The following FOCAD variants were observed in gnomAD, a reference collection of about 807,000 sequenced individuals.
The protein encoded by FOCAD is KIAA1797.
In FOCAD, 198 loss-of-function variants were observed where a neutral mutation model predicts 225.6. The observed-to-expected ratio is 0.88, with a 90% CI of 0.78 to 0.99. The LOEUF (loss-of-function observed/expected upper bound fraction) is 0.99, where lower values mean the gene tolerates loss of function less well. Among genes scored for constraint, FOCAD ranks in the 50% least tolerant of loss-of-function variants. The pLI is 0.00. For synonymous variants in FOCAD, 897 were observed against 755.0 expected, an observed-to-expected ratio of 1.19 and a Z score of -3.08; for missense variants, 2,713 against 2,123.6, an observed-to-expected ratio of 1.28 and a Z score of -5.46.
intron 5 of FOCAD, among the ~76,000 whole-genome samples, chr9:20,748,700 C>T (rs1288239707): frequency 1.3e-5 from 2 of 152,054 alleles, no homozygotes; most frequent in Non-Finnish European, 2.9e-5. Flanking sequence ...CAGTTCCATT[C>T]TTTCTCTCTA....
intron 35 of FOCAD, among the ~76,000 whole-genome samples, chr9:20,976,069 A>C (rs960095704): frequency 6.6e-6 from 1 of 152,170 alleles, no homozygotes; most frequent in Non-Finnish European, 1.5e-5. Flanking sequence ...AAGATTTTGA[A>C]TGTTTCAGCA....
chr9:20,873,841 A>G (rs1280793478), intron 18 of FOCAD: 1 of 152,138 alleles, frequency 6.6e-6, no homozygotes, highest in African/African-American at 2.4e-5. Context: ...GATACAGGCT[A>G]ATGGTGATGA....
At chr9:20,922,277 T>C (rs536985923) in intron 24 of FOCAD, among the ~76,000 whole-genome samples, 75 of 152,136 alleles carry the variant, frequency 4.9e-4, no homozygotes, top group Middle Eastern at 3.4e-3. Context: ...CCTCCAACCC[T>C]CCCCATTATA....
intron 28 of FOCAD, among the ~76,000 whole-genome samples, chr9:20,944,376 T>G (rs938431251): frequency 1.2e-4 from 19 of 152,152 alleles, no homozygotes; most frequent in Non-Finnish European, 4.4e-5. Context: ...TTTCCTGCCT[T>G]TTGTTTTTAT....
chr9:20,759,643 T>G (rs559878452), intron 6 of FOCAD, among the ~76,000 whole-genome samples: 1 of 152,320 alleles, frequency 6.6e-6, no homozygotes, highest in South Asian at 2.1e-4. Flanking sequence ...ATTCAGGACA[T>G]AGGCATGGGC....
At chr9:20,690,474 G>A (rs1319362849) in intron 1 of FOCAD, among the ~76,000 whole-genome samples, 1 of 151,922 alleles carries the variant, frequency 6.6e-6, no homozygotes, top group African/African-American at 2.4e-5. Context: ...CTTTAATCAG[G>A]CTTTCTCCCT....
chr9:20,664,803 A>G (rs1054017748), intron 2 of FOCAD, among the ~76,000 whole-genome samples: 1 of 152,080 alleles, frequency 6.6e-6, no homozygotes, highest in Non-Finnish European at 1.5e-5. Context: ...AATAATGGTG[A>G]TGGTTTCAAG....
chr9:20,932,512 TC>T (rs1835578249), intron 27 of FOCAD, among the ~76,000 whole-genome samples: 1 of 152,082 alleles, frequency 6.6e-6, no homozygotes. Context: ...CAAATATAGG[TC>T]TAGGATTTTC....
rs1820267035 is a variant in FOCAD, at chr9:20,789,258, T to A, written c.1198-93T>A. On this transcript the variant is annotated intron_variant, in intron 10 of 43. Coordinates refer to ENST00000338382, the MANE Select transcript of FOCAD (RefSeq NM_001375567.1). ...GTATTCATTTTGTTGGAAGGAGTGA[T>A]ATCTTACAATGAAATATAAGAATGC... 8.1e-6 allele frequency: 11 copies of A among 1,363,284 alleles called. No individual in the cohort carries two copies. In the South Asian group the frequency reaches 9.1e-5, roughly 11 times the overall value. 84.4% of individuals were successfully genotyped at this position (1,363,284 alleles called of 1,614,324 possible).
At chr9:20,868,757 A>T (rs1355129236) in intron 18 of FOCAD, among the ~76,000 whole-genome samples, 6 of 152,016 alleles carry the variant, frequency 3.9e-5, no homozygotes, top group Non-Finnish European at 8.8e-5. Flanking sequence ...CCCATTCCAA[A>T]AAGTAACAAT....
intron 5 of FOCAD, among the ~76,000 whole-genome samples, chr9:20,745,351 A>G (rs1412517434): frequency 1.3e-5 from 2 of 152,072 alleles, no homozygotes; most frequent in East Asian, 3.9e-4. Context: ...CGGCCTCCCA[A>G]AGTGCTGGGA....
intron 1 of FOCAD, among the ~76,000 whole-genome samples, chr9:20,703,437 G>C (rs370149442): frequency 6.6e-6 from 1 of 152,132 alleles, no homozygotes; most frequent in Admixed American, 6.5e-5. Context: ...TAGAGTTGCA[G>C]TGGGGAGCCA....
At chr9:20,855,813 A>G (rs1370335239) in intron 15 of FOCAD, among the ~76,000 whole-genome samples, 1 of 108,860 alleles carries the variant, frequency 9.2e-6, no homozygotes, top group Admixed American at 8.9e-5. Context: ...TTTTTTTTTT[A>G]ACACTTCCAC....
At chr9:20,657,191 C>A (rs2131244052), upstream of FOCAD, among the ~76,000 whole-genome samples, 1 of 151,746 alleles carries the variant, frequency 6.6e-6, no homozygotes, top group African/African-American at 2.4e-5. Flanking sequence ...CCTGACCTTT[C>A]TCTCTGGCTG....
chr9:20,993,457 T>G (rs536723288), intron 43 of FOCAD, 129 bp downstream of exon 43: 1 of 746,334 alleles, frequency 1.3e-6, no homozygotes, highest in East Asian at 2.7e-5. Flanking sequence ...AGAGGTGTTT[T>G]GGATTTTGGA....
At chr9:20,904,628 C>T (rs1832805025) in intron 21 of FOCAD, among the ~76,000 whole-genome samples, 1 of 151,942 alleles carries the variant, frequency 6.6e-6, no homozygotes, top group Admixed American at 6.6e-5. Flanking sequence ...TTCCCTAAGC[C>T]ATAGGACTGT....
intron 35 of FOCAD, among the ~76,000 whole-genome samples, chr9:20,964,703 T>G (rs1391565717): frequency 6.6e-6 from 1 of 152,056 alleles, no homozygotes; most frequent in Non-Finnish European, 1.5e-5. Flanking sequence ...GCCCAGCTAA[T>G]TTTTGTATTT....
intron 28 of FOCAD, among the ~76,000 whole-genome samples, chr9:20,942,586 G>C (rs974015841): frequency 6.6e-6 from 1 of 152,130 alleles, no homozygotes; most frequent in Non-Finnish European, 1.5e-5. Flanking sequence ...ATCAAGCCTT[G>C]CTTTTTTCTT....
intron 1 of FOCAD, among the ~76,000 whole-genome samples, chr9:20,692,209 C>T (rs1001253187): frequency 3.3e-5 from 5 of 152,018 alleles, no homozygotes; most frequent in Admixed American, 1.3e-4. Flanking sequence ...CTGAAATTTC[C>T]TTTTTTACCT....
Sources: allele counts gnomAD v4.1 joint callset (sites outside exome capture counted in the v4.1 genomes callset), GRCh38; gene constraint gnomAD v4.1.1; transcripts MANE v1.5; gene names NCBI Gene and HGNC (gene_info 2026-07-23, HGNC 2026-07-21).